The following FOXP2 variants were observed in gnomAD, a reference collection of about 807,000 sequenced individuals.
FOXP2 encodes the protein forkhead box protein P2.
Under a neutral mutation model 115.8 loss-of-function variants are expected in FOXP2, and 12 were observed. That is an observed-to-expected ratio of 0.10 (90% confidence interval 0.07 to 0.17). FOXP2 has a LOEUF of 0.17. Ranked by LOEUF, FOXP2 falls within the 10% of genes least tolerant of loss-of-function variation. The pLI, the probability that FOXP2 is intolerant of heterozygous loss-of-function variation, is 1.00. For missense variants in FOXP2, 629 were observed against 843.5 expected (o/e 0.75, Z 3.15); for synonymous variants, 328 against 297.7 (o/e 1.10, Z -1.05).
At chr7:114,516,757 G>A (rs1229115091) in intron 2 of FOXP2, among the ~76,000 whole-genome samples, 4 of 151,660 alleles carry the variant, frequency 2.6e-5, no homozygotes, top group South Asian at 2.1e-4. Context: ...ATGCAGTGGC[G>A]CAATCTCTGC....
chr7:114,093,274 G>A (rs1049163710), intron 1 of FOXP2, among the ~76,000 whole-genome samples: 1 of 152,088 alleles, frequency 6.6e-6, no homozygotes, highest in African/African-American at 2.4e-5. Flanking sequence ...AACTTCAGGA[G>A]GTCTCTGCTC....
At chr7:114,307,681 A>G (rs1482668903) in intron 2 of FOXP2, among the ~76,000 whole-genome samples, 4 of 152,218 alleles carry the variant, frequency 2.6e-5, no homozygotes, top group Non-Finnish European at 5.9e-5. Flanking sequence ...TTCATAACTC[A>G]AAGCCAATTG....
intron 2 of FOXP2, among the ~76,000 whole-genome samples, chr7:114,466,180 T>C (rs1435960646): frequency 6.6e-6 from 1 of 152,174 alleles, no homozygotes; most frequent in African/African-American, 2.4e-5. Flanking sequence ...ATGGCCACTT[T>C]ATATTACTGG....
intron 4 of FOXP2, 28 bp downstream of exon 4, chr7:114,628,705 C>T: frequency 6.2e-7 from 1 of 1,613,622 alleles, no homozygotes; most frequent in Non-Finnish European, 8.5e-7. Context: ...CTTTGGTGTT[C>T]TAGCATGACT....
At chr7:114,379,890 G>C (rs1262672462) in intron 2 of FOXP2, among the ~76,000 whole-genome samples, 2 of 152,154 alleles carry the variant, frequency 1.3e-5, no homozygotes, top group Non-Finnish European at 2.9e-5. Context: ...TTATTGGTTA[G>C]CTGCAGGCAA....
chr7:114,181,739 T>C (rs77646481), intron 1 of FOXP2, among the ~76,000 whole-genome samples: 1,659 of 152,124 alleles, frequency 0.011, 12 homozygotes, highest in Middle Eastern at 0.044. Context: ...AATCAGTGGG[T>C]CAATAAAAAG....
At chr7:114,303,568 C>A (rs1200973817) in intron 2 of FOXP2, among the ~76,000 whole-genome samples, 1 of 152,076 alleles carries the variant, frequency 6.6e-6, no homozygotes, top group Non-Finnish European at 1.5e-5. Context: ...CATTTTTAAA[C>A]CTTTGTTTCC....
chr7:114,604,171 T>C (rs1032252773), intron 3 of FOXP2, among the ~76,000 whole-genome samples: 1 of 152,138 alleles, frequency 6.6e-6, no homozygotes, highest in African/African-American at 2.4e-5. Context: ...AGGATCTACT[T>C]CCTGGTTTGC....
chr7:114,326,267 G>A (rs189795254), intron 2 of FOXP2, among the ~76,000 whole-genome samples: 31 of 152,140 alleles, frequency 2.0e-4, no homozygotes, highest in Non-Finnish European at 3.7e-4. Context: ...AAGAACATAA[G>A]GTTCAGAAAT....
intron 1 of FOXP2, among the ~76,000 whole-genome samples, chr7:114,276,654 C>A (rs914619875): frequency 6.6e-6 from 1 of 152,150 alleles, no homozygotes; most frequent in Non-Finnish European, 1.5e-5. Context: ...AATTACAGCT[C>A]AGGTTTTCCT....
chr7:114,381,446 A>G (rs1232460372), intron 2 of FOXP2, among the ~76,000 whole-genome samples: 1 of 152,186 alleles, frequency 6.6e-6, no homozygotes, highest in East Asian at 1.9e-4. Flanking sequence ...GTCTTGGGCT[A>G]ATGCCTGGCC....
intron 16 of FOXP2, among the ~76,000 whole-genome samples, chr7:114,675,850 T>G (rs2129347331): frequency 6.6e-6 from 1 of 151,962 alleles, no homozygotes; most frequent in South Asian, 2.1e-4. Flanking sequence ...TAACAGTATA[T>G]AAGAGGTAAA....
At chr7:114,489,925 C>CAAA (rs1374049692) in intron 2 of FOXP2, among the ~76,000 whole-genome samples, 1 of 152,024 alleles carries the variant, frequency 6.6e-6, no homozygotes, top group African/African-American at 2.4e-5. Context: ...AGAACACTGA[C>CAAA]AAAAAATGCT....
At chr7:114,443,342 G>A (rs537522672) in intron 2 of FOXP2, among the ~76,000 whole-genome samples, 1 of 152,204 alleles carries the variant, frequency 6.6e-6, no homozygotes, top group South Asian at 2.1e-4. Context: ...TATTCTATTA[G>A]TCCTGACATA....
intron 2 of FOXP2, among the ~76,000 whole-genome samples, chr7:114,402,232 C>T (rs1400179327): frequency 6.6e-6 from 1 of 151,952 alleles, no homozygotes; most frequent in Non-Finnish European, 1.5e-5. Flanking sequence ...TGAGGAAAGA[C>T]CTAATTGACC....
At chr7:114,280,159 A>T (rs1796294728) in intron 1 of FOXP2, among the ~76,000 whole-genome samples, 1 of 151,888 alleles carries the variant, frequency 6.6e-6, no homozygotes, top group South Asian at 2.1e-4. Flanking sequence ...TTTTTTCTTG[A>T]CTTGCTGGTG....
At chr7:114,303,690 C>A (rs932695768) in intron 2 of FOXP2, among the ~76,000 whole-genome samples, 25 of 152,180 alleles carry the variant, frequency 1.6e-4, no homozygotes, top group African/African-American at 6.0e-4. Flanking sequence ...TTTAAAAAAT[C>A]TTATTGATAA....
intron 3 of FOXP2, among the ~76,000 whole-genome samples, chr7:114,585,583 AAG>A (rs1802093040): frequency 6.6e-6 from 1 of 151,658 alleles, no homozygotes; most frequent in African/African-American, 2.4e-5. Flanking sequence ...AAAAAAAAAA[AAG>A]CCAGGCATGG....
intron 1 of FOXP2, among the ~76,000 whole-genome samples, chr7:114,281,241 A>T (rs1796330477): frequency 6.6e-6 from 1 of 150,908 alleles, no homozygotes; most frequent in African/African-American, 2.4e-5. Flanking sequence ...AGCTGGCATT[A>T]CAGGTGCCTG....
Sources: gnomAD v4.1 joint callset for allele counts (sites outside exome capture counted in the v4.1 genomes callset) on GRCh38, gnomAD v4.1.1 for gene constraint, MANE v1.5 for transcripts, NCBI Gene and HGNC (gene_info 2026-07-23, HGNC 2026-07-21) for gene names.